DNAJC27: variants seen among roughly 807,000 people sequenced by gnomAD.
DNAJC27 encodes DnaJ heat shock protein family (Hsp40) member C27.
In DNAJC27, 25 loss-of-function variants were observed where a neutral mutation model predicts 31.4. The ratio of observed to expected loss-of-function variants is 0.80; its 90% confidence interval spans 0.58 to 1.11. The LOEUF (loss-of-function observed/expected upper bound fraction) is 1.11, where lower values mean the gene tolerates loss of function less well. DNAJC27 is among the 50% of genes most tolerant of loss of function. The pLI, the probability that DNAJC27 is intolerant of heterozygous loss-of-function variation, is 0.00. For synonymous variants in DNAJC27, 106 were observed against 112.7 expected (o/e 0.94, Z 0.37); for missense variants, 356 against 347.3 (o/e 1.02, Z -0.20).
chr2:24,963,352 C>T (rs996557509), intron 3 of DNAJC27, 53 bp downstream of exon 3: 4 of 1,449,180 alleles, frequency 2.8e-6, no homozygotes, highest in Non-Finnish European at 3.9e-6. Flanking sequence ...CTGGATCTCT[C>T]CCCAAACCAC....
intron 6 of DNAJC27, among the ~76,000 whole-genome samples, chr2:24,948,761 C>A (rs1387241058): frequency 6.6e-6 from 1 of 152,192 alleles, no homozygotes; most frequent in African/African-American, 2.4e-5. Context: ...GGTGTCAGGC[C>A]TCCCAGAGGG....
chr2:24,965,051 C>T (rs575286233), intron 2 of DNAJC27, among the ~76,000 whole-genome samples: 1 of 151,678 alleles, frequency 6.6e-6, no homozygotes, highest in South Asian at 2.1e-4. Flanking sequence ...ACTAAGAATA[C>T]AAAAATTAGC....
chr2:24,972,000 C>G, upstream of DNAJC27: 7 of 878,678 alleles, frequency 8.0e-6, no homozygotes, highest in Non-Finnish European at 1.1e-5. Flanking sequence ...AGCCGCTGCT[C>G]TCGTCACCGC....
chr2:24,967,526 C>T (rs1666219121), intron 1 of DNAJC27, among the ~76,000 whole-genome samples: 1 of 151,980 alleles, frequency 6.6e-6, no homozygotes, highest in Non-Finnish European at 1.5e-5. Flanking sequence ...CATGGCGAAA[C>T]CCCGTCTCTA....
At chr2:24,965,848 C>G (rs1029385020) in intron 2 of DNAJC27, among the ~76,000 whole-genome samples, 2 of 152,186 alleles carry the variant, frequency 1.3e-5, no homozygotes, top group African/African-American at 4.8e-5. Context: ...ATAGTCTAAT[C>G]TGGCAAACTT....
intron 5 of DNAJC27, chr2:24,953,456 C>T (rs1285828009): frequency 6.2e-6 from 1 of 162,164 alleles, no homozygotes; most frequent in South Asian, 2.0e-4. Context: ...AACCATGTTA[C>T]TTCCTGACAT....
In DNAJC27 at chr2:24,944,926, CT is replaced by C; in HGVS notation, c.*2689del. ...TTTTCTTTAATAATAGCTATTCAAA[CT>C]TTTTATTCTTTTTTGAAAAACAAGA... On this transcript the variant is annotated 3_prime_UTR_variant, in exon 7 of 7. Transcript: ENST00000264711. 6.5e-6 allele frequency: 1 copy of C among 152,676 alleles called. No individual in the cohort carries two copies. The highest frequency in any genetic ancestry group is 6.5e-5 in the Admixed American group (1 of 15,296). 9.5% of individuals were successfully genotyped at this position (152,676 alleles called of 1,614,324 possible).
Position 24,944,167 on chromosome 2 carries a change from G to A in DNAJC27, c.*3449C>T, listed in dbSNP as rs1212076209. On this transcript the variant is annotated 3_prime_UTR_variant, in exon 7 of 7. Coordinates refer to ENST00000264711, the MANE Select transcript of DNAJC27 (RefSeq NM_016544.3). ...AGTTTTACAAAACCTTTGATTCAGA[G>A]TAAGCTTGATGGGGTACAGTGGCAA... 1 of 152,158 alleles carries A rather than the reference G, an allele frequency of 6.6e-6. No individual in the cohort carries two copies. The highest frequency in any genetic ancestry group is 6.5e-5 in the Admixed American group (1 of 15,282). The allele number at this position is 152,158 out of a possible 1,614,324, so 9.4% of individuals were successfully genotyped here.
chr2:24,958,392 C>G (rs1665959339), intron 3 of DNAJC27, among the ~76,000 whole-genome samples: 1 of 152,140 alleles, frequency 6.6e-6, no homozygotes, highest in Admixed American at 6.5e-5. Context: ...AAATCACATC[C>G]CAAAGCTGGC....
chr2:24,948,441 T>C (rs1392331042), intron 6 of DNAJC27, among the ~76,000 whole-genome samples: 2 of 151,892 alleles, frequency 1.3e-5, no homozygotes, highest in African/African-American at 4.8e-5. Flanking sequence ...GGGGCTGAAA[T>C]GAGCTCCAGG....
intron 1 of DNAJC27, among the ~76,000 whole-genome samples, chr2:24,970,628 CTAAT>C (rs1339041991): frequency 9.2e-5 from 14 of 151,724 alleles, no homozygotes; most frequent in Non-Finnish European, 8.8e-5. Flanking sequence ...CCATGCCTGG[CTAAT>C]TTTGCATTTT....
At chr2:24,954,742 C>G (rs1421961439) in intron 5 of DNAJC27, among the ~76,000 whole-genome samples, 3 of 152,128 alleles carry the variant, frequency 2.0e-5, no homozygotes, top group Admixed American at 6.5e-5. Context: ...TCGAGACCAT[C>G]CTGGCTAACT....
At chr2:24,954,309 C>T (rs1330680301) in intron 5 of DNAJC27, among the ~76,000 whole-genome samples, 1 of 152,160 alleles carries the variant, frequency 6.6e-6, no homozygotes, top group African/African-American at 2.4e-5. Context: ...ATCCTGGGAA[C>T]AGTAGGGTTT....
chr2:24,967,350 A>G (rs962263336), intron 1 of DNAJC27, 57 bp from the exon 2 acceptor site: 2 of 1,201,886 alleles, frequency 1.7e-6, no homozygotes, highest in Admixed American at 1.8e-5. Context: ...CACATACAGA[A>G]TAAGTATATT....
At chr2:24,967,134 C>T in intron 2 of DNAJC27, 77 bp downstream of exon 2, 1 of 1,116,030 alleles carries the variant, frequency 9.0e-7, no homozygotes, top group Non-Finnish European at 1.4e-6. Flanking sequence ...CACAAGAGCA[C>T]TGATGCAAAT....
At chr2:24,972,082 G>T, upstream of DNAJC27, 1 of 494,292 alleles carries the variant, frequency 2.0e-6, no homozygotes, top group Non-Finnish European at 3.6e-6. Flanking sequence ...GTGGGGAGCC[G>T]GGGGAGGGAG....
chr2:24,950,457 T>C (rs1292534493), intron 6 of DNAJC27, among the ~76,000 whole-genome samples: 1 of 152,212 alleles, frequency 6.6e-6, no homozygotes, highest in African/African-American at 2.4e-5. Flanking sequence ...TACATAACCA[T>C]AATGAATAAT....
At chr2:24,948,325 A>C (rs113803788) in intron 6 of DNAJC27, among the ~76,000 whole-genome samples, 7 of 152,306 alleles carry the variant, frequency 4.6e-5, no homozygotes, top group African/African-American at 1.7e-4. Context: ...GTACAAGTTT[A>C]GATTAAGGTA....
In DNAJC27 at chr2:24,957,897, G is replaced by T. The variant is rs768328690; in HGVS notation, c.318C>A (p.Ala106=). 6.2e-7 allele frequency: 1 copy of T among 1,613,994 alleles called. No individual in the cohort carries two copies. The highest frequency in any genetic ancestry group is 1.3e-5 in the African/African-American group (1 of 74,912). The change falls in exon 4 of 7, where the codon GCC becomes GCA. Residue 106 remains alanine, a synonymous_variant. Transcript: ENST00000264711. ...YDVGQKDSFD[A]LDAWLAEMKQ... is the part of the protein sequence containing the mutation. ...TCATTTCTGCCAGCCACGCATCAAG[G>T]GCGTCAAAGGAGTCTTTCTGCCCAA... is the stretch of plus-strand genomic sequence containing the variant.
Sources: gnomAD v4.1 joint callset for allele counts (sites outside exome capture counted in the v4.1 genomes callset) on GRCh38, gnomAD v4.1.1 for gene constraint, MANE v1.5 for transcripts, NCBI Gene and HGNC (gene_info 2026-07-23, HGNC 2026-07-21) for gene names.